NTM: variants seen among roughly 807,000 people sequenced by gnomAD.
NTM encodes neurotrimin, also known as IgLON family member 2.
NTM carries 13 observed loss-of-function variants against 42.1 expected under a neutral mutation model. The observed-to-expected ratio is 0.31, with a 90% CI of 0.20 to 0.49. The LOEUF (loss-of-function observed/expected upper bound fraction) is 0.49, where lower values mean the gene tolerates loss of function less well. NTM is among the 20% of genes least tolerant of loss of function. The pLI, the probability that NTM is intolerant of heterozygous loss-of-function variation, is 0.99. For synonymous variants in NTM, 187 were observed against 179.2 expected (o/e 1.04, Z -0.35); for missense variants, 373 against 452.8 (o/e 0.82, Z 1.60).
intron 1 of NTM, among the ~76,000 whole-genome samples, chr11:131,613,009 C>T (rs908336727): frequency 2.6e-5 from 4 of 152,226 alleles, no homozygotes; most frequent in African/African-American, 9.7e-5. Flanking sequence ...GCTTAGTTCC[C>T]TGGGGCCAGG....
In NTM at chr11:132,077,486, G is replaced by T. The variant is rs1032385359; in HGVS notation, c.168-68796G>T. ...TTAGAAGCCAGGAACTGGGAAGTGT[G>T]TTGGATTCAACTTTTCTTCAACCCC... On this transcript the variant is annotated intron_variant, in intron 2 of 8. Transcript: ENST00000683400. Among the ~76,000 whole-genome samples the T allele has an allele frequency of 3.9e-5, 6 of 152,184 alleles. No individual in the cohort carries two copies. In the East Asian group the frequency reaches 9.6e-4, roughly 24 times the overall value.
At chr11:132,054,953 G>A (rs1461833607) in intron 2 of NTM, among the ~76,000 whole-genome samples, 3 of 152,202 alleles carry the variant, frequency 2.0e-5, no homozygotes, top group Non-Finnish European at 4.4e-5. Flanking sequence ...GAGGGGTCAA[G>A]GGAGGAAACG....
At chr11:131,445,702 C>T (rs766105008) in intron 1 of NTM, among the ~76,000 whole-genome samples, 2 of 152,186 alleles carry the variant, frequency 1.3e-5, no homozygotes, top group Non-Finnish European at 2.9e-5. Flanking sequence ...GGCAAGCATT[C>T]ACAATTCCTG....
Position 131,672,126 on chromosome 11 carries a change from G to A in NTM, c.83-239438G>A, listed in dbSNP as rs367878922. On this transcript the variant is annotated intron_variant, in intron 1 of 8. Coordinates refer to ENST00000683400, the MANE Select transcript of NTM (RefSeq NM_001352005.2). ...ACTCGGCTTTCCACACCATGGGTCC[G>A]GGAGGACCGGCCTTCTTGGCAGGTG... Among the ~76,000 whole-genome samples, 7 of 152,212 alleles carry A rather than the reference G, an allele frequency of 4.6e-5. No homozygotes were observed. The East Asian group carries it at 7.7e-4, about 17-fold the overall frequency.
At chr11:131,923,391 CTT>C (rs2057498433) in intron 2 of NTM, among the ~76,000 whole-genome samples, 1 of 152,080 alleles carries the variant, frequency 6.6e-6, no homozygotes, top group African/African-American at 2.4e-5. Flanking sequence ...AATTATTTAT[CTT>C]TTACTAGAAA....
intron 1 of NTM, among the ~76,000 whole-genome samples, chr11:131,585,158 G>C (rs896254765): frequency 2.0e-5 from 3 of 152,224 alleles, no homozygotes; most frequent in Non-Finnish European, 1.5e-5. Flanking sequence ...GAACATCTGA[G>C]ACAAATCTGT....
intron 7 of NTM, among the ~76,000 whole-genome samples, chr11:132,318,607 T>A (rs2095489563): frequency 6.6e-6 from 1 of 152,148 alleles, no homozygotes; most frequent in African/African-American, 2.4e-5. Context: ...ACTATGACTA[T>A]GACTAAGCAT....
In NTM at chr11:131,827,799, C is replaced by T. The variant is rs539158849; in HGVS notation, c.83-83765C>T. On this transcript the variant is annotated intron_variant, in intron 1 of 8. Coordinates refer to ENST00000683400, the MANE Select transcript of NTM (RefSeq NM_001352005.2). ...CTTCCCCAAATTAACTTGTCACATT[C>T]TAACAAAATGATCAAATTTTCTGGA... Among the ~76,000 whole-genome samples the T allele has an allele frequency of 7.9e-5, 12 of 152,296 alleles. No homozygotes were observed. The East Asian group carries it at 2.3e-3, about 29-fold the overall frequency.
At chr11:131,670,401 C>CTTCT (rs1364984602) in intron 1 of NTM, among the ~76,000 whole-genome samples, 1 of 149,506 alleles carries the variant, frequency 6.7e-6, no homozygotes, top group Non-Finnish European at 1.5e-5. Context: ...TTCTTTCTTT[C>CTTCT]TTCTTTCTTT....
intron 1 of NTM, among the ~76,000 whole-genome samples, chr11:131,466,104 G>A (rs529961479): frequency 3.2e-4 from 49 of 152,324 alleles, no homozygotes; most frequent in Non-Finnish European, 5.1e-4. Flanking sequence ...GAGCAGGTGC[G>A]TGATCTATTC....
chr11:131,486,909 A>G (rs1954235884), intron 1 of NTM, among the ~76,000 whole-genome samples: 2 of 152,332 alleles, frequency 1.3e-5, no homozygotes, highest in Middle Eastern at 3.4e-3. Context: ...TAAATAATGC[A>G]TAATGCCCAG....
At chr11:131,613,703 G>A (rs1109344) in intron 1 of NTM, among the ~76,000 whole-genome samples, 62,187 of 151,922 alleles carry the variant, frequency 0.41, 15,212 homozygotes, top group East Asian at 0.62. Context: ...ACCCACTACT[G>A]AGAGGTGGAA....
chr11:131,817,857 A>G (rs2093015170), intron 1 of NTM, among the ~76,000 whole-genome samples: 1 of 152,234 alleles, frequency 6.6e-6, no homozygotes, highest in African/African-American at 2.4e-5. Context: ...TTTACACTGA[A>G]AGACTTCTCA....
chr11:131,387,886 G>A (rs767997283), intron 1 of NTM, among the ~76,000 whole-genome samples: 1 of 152,148 alleles, frequency 6.6e-6, no homozygotes, highest in African/African-American at 2.4e-5. Context: ...TGGGGACCCC[G>A]GTTTCTAATC....
chr11:132,078,032 A>C (rs1327659747), intron 2 of NTM, among the ~76,000 whole-genome samples: 1 of 152,260 alleles, frequency 6.6e-6, no homozygotes, highest in African/African-American at 2.4e-5. Flanking sequence ...AAAAGGATGC[A>C]CTACAAATAA....
intron 1 of NTM, among the ~76,000 whole-genome samples, chr11:131,668,546 G>A (rs892763856): frequency 6.6e-6 from 1 of 152,088 alleles, no homozygotes; most frequent in African/African-American, 2.4e-5. Context: ...AGGAACAAGG[G>A]GCAGGATATA....
chr11:132,185,571 A>G (rs894798725), intron 3 of NTM, among the ~76,000 whole-genome samples: 2 of 152,176 alleles, frequency 1.3e-5, no homozygotes, highest in African/African-American at 4.8e-5. Flanking sequence ...AGCTACATAA[A>G]TGGGTCGTGG....
chr11:131,673,580 TAC>T (rs903451248), intron 1 of NTM, among the ~76,000 whole-genome samples: 4 of 152,208 alleles, frequency 2.6e-5, no homozygotes, highest in African/African-American at 9.6e-5. Flanking sequence ...AGTGACGTGA[TAC>T]AGTTAGCGGG....
intron 2 of NTM, 91 bp downstream of exon 2, chr11:131,911,739 G>T: frequency 4.6e-6 from 7 of 1,524,564 alleles, no homozygotes; most frequent in Non-Finnish European, 6.3e-6. Context: ...AGGCGTGCCT[G>T]GGTTGGCGGA....
Sources: gnomAD v4.1 joint callset for allele counts (sites outside exome capture counted in the v4.1 genomes callset) on GRCh38, gnomAD v4.1.1 for gene constraint, MANE v1.5 for transcripts, NCBI Gene and HGNC (gene_info 2026-07-23, HGNC 2026-07-21) for gene names.